Variants in CCDC88A observed in about 807,000 individuals in gnomAD.
CCDC88A encodes girdin.
CCDC88A carries 54 observed loss-of-function variants against 234.3 expected under a neutral mutation model. The ratio of observed to expected loss-of-function variants is 0.23; its 90% CI spans 0.19 to 0.29. The LOEUF (loss-of-function observed/expected upper bound fraction) is 0.29, where lower values mean the gene tolerates loss of function less well. Ranked by LOEUF, CCDC88A falls within the 10% of genes least tolerant of loss-of-function variation. CCDC88A has a pLI of 1.00. For synonymous variants in CCDC88A, 753 were observed against 737.8 expected (o/e 1.02, Z -0.33); for missense variants, 1,832 against 2,123.4 (o/e 0.86, Z 2.70).
At position 55,372,499 on chromosome 2, in the gene CCDC88A, C is replaced by G; in HGVS notation, c.355G>C (p.Glu119Gln). Residue 119 changes from glutamate to glutamine, a missense_variant, in exon 5 of 33, where the codon GAA becomes CAA. By Grantham distance (29) the Glu-to-Gln change is conservative. Coordinates refer to ENST00000436346, the MANE Select transcript of CCDC88A (RefSeq NM_001365480.1). ...AGTAAAAGCAGTTTTTTAACTTCTT[C>G]TGTGCCTTGTTCTAAAATAGAAACA... ...GKNPFSEQGTEEVKKLLLLLL... is the reference protein window; with the variant it reads ...GKNPFSEQGTQEVKKLLLLLL... 1 of 1,500,510 alleles carries G rather than the reference C, an allele frequency of 6.7e-7. No homozygotes were observed. The highest frequency in any genetic ancestry group is 1.7e-4 in the Middle Eastern group (1 of 5,826). 92.9% of individuals were successfully genotyped at this position (1,500,510 alleles called of 1,614,324 possible). A position where few individuals can be genotyped will look rare whatever the true frequency, so the allele number is the denominator to read the frequency against.
At chr2:55,353,304 G>C (rs1485334990) in intron 8 of CCDC88A, among the ~76,000 whole-genome samples, 1 of 152,156 alleles carries the variant, frequency 6.6e-6, no homozygotes, top group Non-Finnish European at 1.5e-5. Flanking sequence ...GGAGAAGATT[G>C]TGCTAAATTA....
At chr2:55,399,087 G>C (rs919671319) in intron 2 of CCDC88A, among the ~76,000 whole-genome samples, 1 of 152,028 alleles carries the variant, frequency 6.6e-6, no homozygotes, top group Non-Finnish European at 1.5e-5. Context: ...GATAGGGTAA[G>C]AAGAAATACA....
intron 28 of CCDC88A, 161 bp from the exon 29 acceptor site, chr2:55,300,080 A>C (rs754899719): frequency 3.4e-6 from 2 of 589,794 alleles, no homozygotes; most frequent in Non-Finnish European, 6.1e-6. Flanking sequence ...TAGTTCATTG[A>C]GACACTTTAG....
chr2:55,395,970 G>A lies in CCDC88A; in HGVS notation c.165-7084C>T, dbSNP rs562014326. On this transcript the variant is annotated intron_variant, in intron 2 of 32. Transcript: ENST00000436346. ...GACTATATTGTAGAAGTCAGATCAC[G>A]TGTCATGGCAAACAAAGACAAACAG... Among the ~76,000 whole-genome samples the A allele has an allele frequency of 3.3e-5, 5 of 152,276 alleles. No homozygotes were observed. The South Asian group carries it at 8.3e-4, about 25-fold the overall frequency.
intron 7 of CCDC88A, 137 bp from the exon 8 acceptor site, chr2:55,355,888 T>C: frequency 3.3e-6 from 2 of 610,456 alleles, no homozygotes; most frequent in Non-Finnish European, 5.5e-6. Flanking sequence ...AACTATCATA[T>C]TTAGTTGTCA....
At chr2:55,327,123 G>C (rs186820354) in intron 17 of CCDC88A, among the ~76,000 whole-genome samples, 49 of 151,694 alleles carry the variant, frequency 3.2e-4, no homozygotes, top group Admixed American at 5.9e-4. Context: ...GAGAATGTCT[G>C]GATGAAAAAT....
At chr2:55,402,409 T>C (rs1203163883) in intron 2 of CCDC88A, among the ~76,000 whole-genome samples, 1 of 152,142 alleles carries the variant, frequency 6.6e-6, no homozygotes, top group East Asian at 1.9e-4. Flanking sequence ...AAGTATGTAA[T>C]TAGAAAAAGG....
At chr2:55,384,342 A>G (rs1006329083) in intron 3 of CCDC88A, among the ~76,000 whole-genome samples, 1 of 124,906 alleles carries the variant, frequency 8.0e-6, no homozygotes, top group Admixed American at 8.6e-5. Flanking sequence ...AAAAAAATCC[A>G]GAAGTGTATA....
chr2:55,304,702 A>C (rs547483369), intron 25 of CCDC88A, among the ~76,000 whole-genome samples: 8 of 152,280 alleles, frequency 5.3e-5, no homozygotes, highest in African/African-American at 1.4e-4. Context: ...AAAATATAGG[A>C]GTCATTAGAA....
chr2:55,378,563 C>A (rs1005447012), intron 3 of CCDC88A, among the ~76,000 whole-genome samples: 1 of 150,384 alleles, frequency 6.6e-6, no homozygotes, highest in Non-Finnish European at 1.5e-5. Flanking sequence ...AATTTAAAAA[C>A]CTTAGAGTTA....
chr2:55,403,998 GC>G (rs1679151262), intron 2 of CCDC88A: 2 of 152,134 alleles, frequency 1.3e-5, no homozygotes, highest in African/African-American at 4.8e-5. Flanking sequence ...TCCAAAGTGG[GC>G]TGATATACAG....
intron 3 of CCDC88A, among the ~76,000 whole-genome samples, chr2:55,375,583 A>G (rs1291641442): frequency 1.4e-5 from 2 of 147,624 alleles, no homozygotes; most frequent in African/African-American, 5.0e-5. Context: ...GCTGTAGTGC[A>G]GTGGTGTGAT....
intron 5 of CCDC88A, among the ~76,000 whole-genome samples, chr2:55,364,417 G>C (rs1017865709): frequency 6.6e-6 from 1 of 151,988 alleles, no homozygotes; most frequent in South Asian, 2.1e-4. Flanking sequence ...TCGGAATACA[G>C]CCAAAATGCT....
chr2:55,368,005 G>C (rs1380747295), intron 5 of CCDC88A, among the ~76,000 whole-genome samples: 1 of 152,178 alleles, frequency 6.6e-6, no homozygotes, highest in Non-Finnish European at 1.5e-5. Context: ...CATAGTCTTA[G>C]AACAAAGAAA....
chr2:55,402,872 G>A (rs993679749), intron 2 of CCDC88A, among the ~76,000 whole-genome samples: 1 of 152,062 alleles, frequency 6.6e-6, no homozygotes, highest in Non-Finnish European at 1.5e-5. Flanking sequence ...AGCCAGGCGT[G>A]GTGGTGGGCA....
intron 18 of CCDC88A, among the ~76,000 whole-genome samples, chr2:55,322,230 G>A (rs1227268373): frequency 6.6e-6 from 1 of 152,170 alleles, no homozygotes. Flanking sequence ...GAACAATAGT[G>A]AATAGTTTAA....
At chr2:55,347,738 A>C (rs1451172276) in intron 9 of CCDC88A, among the ~76,000 whole-genome samples, 2 of 150,470 alleles carry the variant, frequency 1.3e-5, no homozygotes, top group Non-Finnish European at 3.0e-5. Flanking sequence ...CCGCCTCCCA[A>C]GTAGCTGGGA....
chr2:55,371,567 C>T (rs1672854068), intron 5 of CCDC88A, among the ~76,000 whole-genome samples: 1 of 152,142 alleles, frequency 6.6e-6, no homozygotes, highest in African/African-American at 2.4e-5. Context: ...GGACTACTAG[C>T]AATATGACCT....
At chr2:55,294,679 A>T in intron 31 of CCDC88A, 1 of 991,612 alleles carries the variant, frequency 1.0e-6, no homozygotes, top group Non-Finnish European at 1.2e-6. Flanking sequence ...GGAAATGAAC[A>T]TTTTTTTCCA....
Sources: allele counts gnomAD v4.1 joint callset (sites outside exome capture counted in the v4.1 genomes callset), GRCh38; gene constraint gnomAD v4.1.1; transcripts MANE v1.5; gene names NCBI Gene and HGNC (gene_info 2026-07-23, HGNC 2026-07-21).